Variants in CCDC40 observed in about 807,000 individuals in gnomAD.
The protein encoded by CCDC40 is coiled-coil domain-containing protein 40.
CCDC40 carries 104 observed loss-of-function variants against 124.5 expected under a neutral mutation model. The observed-to-expected ratio is 0.84, with a 90% CI of 0.71 to 0.98. The LOEUF is 0.98. Ranked by LOEUF, CCDC40 falls within the 50% of genes least tolerant of loss-of-function variation. CCDC40 has a pLI of 0.00. For missense variants in CCDC40, 1,463 were observed against 1,503.9 expected (o/e 0.97, Z 0.45); for synonymous variants, 580 against 602.9 (o/e 0.96, Z 0.56).
chr17:80,098,492 G>A (rs761245143), intron 19 of CCDC40, among the ~76,000 whole-genome samples: 4 of 152,262 alleles, frequency 2.6e-5, no homozygotes, highest in Non-Finnish European at 4.4e-5. Flanking sequence ...CTGCATATGC[G>A]TTATGCCAAC....
chr17:80,037,688 A>AATATATATATATATAT, intron 1 of CCDC40, among the ~76,000 whole-genome samples: 9 of 45,702 alleles, frequency 2.0e-4, no homozygotes, highest in East Asian at 5.9e-4. Flanking sequence ...TTTTTTAAAA[A>AATATATATATATATAT]AGATATACAT....
At position 80,066,220 on chromosome 17, in the gene CCDC40, G is replaced by A. The variant is rs1195220633; in HGVS notation, c.1562+614G>A. Reference sequence around the variant, plus strand: ...AGCTTTAACTTCCCCTCCACCTTTCGTAGTCTCCACCCCTTGTGCCCAGCA... The same window carrying A: ...AGCTTTAACTTCCCCTCCACCTTTCATAGTCTCCACCCCTTGTGCCCAGCA... On this transcript the variant is annotated intron_variant, in intron 10 of 19. Coordinates refer to ENST00000397545, the MANE Select transcript of CCDC40 (RefSeq NM_017950.4). The surrounding 1 kb of genome is among the most constrained non-coding windows in gnomAD (Gnocchi z 4.4). The A allele has an allele frequency of 1.9e-5, 13 of 702,564 alleles. No homozygotes were observed. The highest frequency in any genetic ancestry group is 3.5e-5 in the African/African-American group (2 of 57,234). 43.5% of individuals were successfully genotyped at this position (702,564 alleles called of 1,614,324 possible).
At chr17:80,057,469 G>A (rs2143644336) in intron 7 of CCDC40, among the ~76,000 whole-genome samples, 1 of 152,336 alleles carries the variant, frequency 6.6e-6, no homozygotes, top group Non-Finnish European at 1.5e-5. Context: ...CTTTTGGCCT[G>A]TAATTCAGTT....
chr17:80,055,804 T>A (rs950755312), intron 7 of CCDC40, among the ~76,000 whole-genome samples: 3 of 151,030 alleles, frequency 2.0e-5, no homozygotes, highest in African/African-American at 7.3e-5. Context: ...CAACGTAGAT[T>A]CTTGTGGATT....
intron 19 of CCDC40, among the ~76,000 whole-genome samples, chr17:80,099,256 A>G (rs952420353): frequency 1.3e-5 from 2 of 151,350 alleles, no homozygotes; most frequent in Non-Finnish European, 2.9e-5. Context: ...GCACCGCTGC[A>G]CTCCAGCCTG....
At position 80,086,607 on chromosome 17, in the gene CCDC40, G is replaced by C; in HGVS notation, c.2449+391G>C. ...CCCACATCACCTCCAGTTGGGCTTAGAAAACCATTCCACCGGGGCTCCCCA... is the reference window on the plus strand; with the variant it reads ...CCCACATCACCTCCAGTTGGGCTTACAAAACCATTCCACCGGGGCTCCCCA... On this transcript the variant is annotated intron_variant, in intron 14 of 19. Transcript: ENST00000397545. The surrounding 1 kb of genome is among the most constrained non-coding windows in gnomAD (Gnocchi z 5.5). 3.5e-6 allele frequency: 1 copy of C among 282,362 alleles called. No homozygotes were observed. The highest frequency in any genetic ancestry group is 6.9e-6 in the Non-Finnish European group (1 of 145,084). The allele number at this position is 282,362 out of a possible 1,614,324, so 17.5% of individuals were successfully genotyped here.
chr17:80,037,157 C>G (rs1234877156), intron 1 of CCDC40, among the ~76,000 whole-genome samples: 1 of 152,202 alleles, frequency 6.6e-6, no homozygotes, highest in Non-Finnish European at 1.5e-5. Flanking sequence ...CCTGCAAGGA[C>G]AGATCCCCTC....
Position 80,048,673 on chromosome 17 carries a change from G to C in CCDC40, c.767G>C (p.Gly256Ala). The C allele has an allele frequency of 6.2e-7, 1 of 1,614,132 alleles. No homozygotes were observed. The highest frequency in any genetic ancestry group is 8.5e-7 in the Non-Finnish European group (1 of 1,180,014). Reference protein sequence around the residue: ...DQIQQPSTEEGAMAERVESEG... With the variant: ...DQIQQPSTEEAAMAERVESEG... ...ATCCAGCAGCCCAGCACCGAGGAGG[G>C]GGCCATGGCAGAGAGAGTGGAGTCC... Residue 256 changes from glycine (G) to alanine (A), a missense_variant, in exon 5 of 20, where the codon GGG (glycine) becomes GCG (alanine). Transcript: ENST00000397545.
intron 18 of CCDC40, among the ~76,000 whole-genome samples, chr17:80,096,644 C>T (rs1184323388): frequency 1.3e-5 from 2 of 151,984 alleles, no homozygotes; most frequent in East Asian, 3.9e-4. Flanking sequence ...CCCCACACGA[C>T]GCCATCACTG....
At chr17:80,069,779 A>C (rs2038143666) in intron 10 of CCDC40, among the ~76,000 whole-genome samples, 2 of 150,868 alleles carry the variant, frequency 1.3e-5, no homozygotes, top group South Asian at 4.2e-4. Context: ...AAGAAAAAAA[A>C]GAGAGAGAGA....
chr17:80,085,887 C>G (rs1317767544), intron 13 of CCDC40, 116 bp from the exon 14 acceptor site: 11 of 931,442 alleles, frequency 1.2e-5, no homozygotes, highest in Non-Finnish European at 1.8e-5. Flanking sequence ...CCAGGCTGGT[C>G]TTGAACTCCT....
At chr17:80,080,193 CAAA>C (rs1345483311) in intron 10 of CCDC40, among the ~76,000 whole-genome samples, 1 of 86,710 alleles carries the variant, frequency 1.2e-5, no homozygotes. Context: ...GAGACTGTCT[CAAA>C]AAAAAAAAAA....
At chr17:80,097,614 T>C (rs780181220) in intron 19 of CCDC40, 1 of 596,544 alleles carries the variant, frequency 1.7e-6, no homozygotes, top group Non-Finnish European at 3.0e-6. Flanking sequence ...GTATCTGTTA[T>C]GGGCTGGGCT....
At chr17:80,042,150 G>T (rs550396502) in intron 3 of CCDC40, among the ~76,000 whole-genome samples, 1 of 151,866 alleles carries the variant, frequency 6.6e-6, no homozygotes, top group African/African-American at 2.4e-5. Context: ...ATGTAGTCTC[G>T]CTCTGTCACC....
intron 10 of CCDC40, among the ~76,000 whole-genome samples, chr17:80,079,256 C>T (rs1307340491): frequency 1.3e-5 from 2 of 152,134 alleles, no homozygotes; most frequent in African/African-American, 4.8e-5. Context: ...ATTTTTCTCA[C>T]ATCTCTCCCC....
chr17:80,048,401 CA>C (rs1345278578), intron 4 of CCDC40, 181 bp from the exon 5 acceptor site: 10 of 658,320 alleles, frequency 1.5e-5, no homozygotes, highest in Non-Finnish European at 2.2e-5. Flanking sequence ...TGCATTGAGT[CA>C]GGGAATAGAA....
intron 7 of CCDC40, among the ~76,000 whole-genome samples, chr17:80,051,697 A>G (rs1348274869): frequency 1.3e-5 from 2 of 152,004 alleles, no homozygotes; most frequent in African/African-American, 4.8e-5. Flanking sequence ...TGAACAGAAA[A>G]CAGTAAAAGG....
chr17:80,085,666 C>CTTTTTTTTT (rs5822324), intron 13 of CCDC40, among the ~76,000 whole-genome samples: 1 of 109,996 alleles, frequency 9.1e-6, no homozygotes. Context: ...GCTAATTTTG[C>CTTTTTTTTT]TTTTTTTTTT....
rs2304852 is a variant in CCDC40, at chr17:80,099,924, T to C, written c.*149T>C. 0.45 allele frequency: 363,342 copies of C among 806,292 alleles called. 84,590 individuals are homozygous for C. The highest frequency in any genetic ancestry group is 0.58 in the African/African-American group (33,424 of 57,204). 49.9% of individuals were successfully genotyped at this position (806,292 alleles called of 1,614,324 possible). A position where few individuals can be genotyped will look rare whatever the true frequency, so the allele number is the denominator to read the frequency against. The stretch of plus-strand genomic sequence containing the variant: ...AAGAGAAATAAGCCAGCCCCACCCA[T>C]AGGAATCTTTTTAGCCACTCAGCAA... On this transcript the variant is annotated 3_prime_UTR_variant, in exon 20 of 20. Transcript: ENST00000397545.
Sources: gnomAD v4.1 joint callset for allele counts (sites outside exome capture counted in the v4.1 genomes callset) on GRCh38, gnomAD v4.1.1 for gene constraint, Gnocchi (gnomAD v3.1) non-coding constraint, MANE v1.5 for transcripts, NCBI Gene and HGNC (gene_info 2026-07-23, HGNC 2026-07-21) for gene names.